The following RBMS1 variants were observed in gnomAD, a reference collection of about 807,000 sequenced individuals.
The protein encoded by RBMS1 is RNA-binding motif, single-stranded-interacting protein 1.
In RBMS1, 17 loss-of-function variants were observed where a neutral mutation model predicts 62.3. The observed-to-expected ratio is 0.27, with a 90% CI of 0.19 to 0.41. The LOEUF is 0.41. Ranked by LOEUF, RBMS1 falls within the 10% of genes least tolerant of loss-of-function variation. The pLI is 1.00. For synonymous variants in RBMS1, 172 were observed against 170.0 expected (o/e 1.01, Z -0.09); for missense variants, 334 against 504.5 (o/e 0.66, Z 3.24).
intron 1 of RBMS1, among the ~76,000 whole-genome samples, chr2:160,403,646 A>C (rs1351254402): frequency 6.6e-6 from 1 of 152,242 alleles, no homozygotes; most frequent in Non-Finnish European, 1.5e-5. Context: ...TTGGAGGGCA[A>C]GACCATTAAA....
At chr2:160,393,635 G>A (rs965135970) in intron 1 of RBMS1, among the ~76,000 whole-genome samples, 1 of 151,974 alleles carries the variant, frequency 6.6e-6, no homozygotes, top group Non-Finnish European at 1.5e-5. Context: ...AAATTAGCCG[G>A]GTGTGGTGGC....
At chr2:160,422,507 C>T (rs1490153595) in intron 1 of RBMS1, among the ~76,000 whole-genome samples, 1 of 152,136 alleles carries the variant, frequency 6.6e-6, no homozygotes, top group African/African-American at 2.4e-5. Flanking sequence ...CCACACCACA[C>T]TATTATTCTC....
intron 4 of RBMS1, among the ~76,000 whole-genome samples, chr2:160,304,508 T>C (rs1163227696): frequency 6.6e-6 from 1 of 152,194 alleles, no homozygotes; most frequent in African/African-American, 2.4e-5. Flanking sequence ...ATGAGCTGCA[T>C]AATGACATTT....
intron 2 of RBMS1, among the ~76,000 whole-genome samples, chr2:160,345,248 CAG>C (rs1692111610): frequency 6.6e-6 from 1 of 152,028 alleles, no homozygotes; most frequent in African/African-American, 2.4e-5. Flanking sequence ...AGGGCTATAC[CAG>C]ACATTTTCAT....
intron 1 of RBMS1, among the ~76,000 whole-genome samples, chr2:160,486,157 C>A (rs201834056): frequency 1.3e-5 from 2 of 152,072 alleles, no homozygotes; most frequent in East Asian, 3.9e-4. Context: ...CTCCCAATTG[C>A]AACTCAAAAT....
At chr2:160,412,977 A>G (rs920096968) in intron 1 of RBMS1, among the ~76,000 whole-genome samples, 2 of 152,272 alleles carry the variant, frequency 1.3e-5, no homozygotes, top group Admixed American at 6.5e-5. Flanking sequence ...TGAAATTACT[A>G]CAAAGAAAGT....
chr2:160,472,504 A>G (rs575175076), intron 1 of RBMS1, among the ~76,000 whole-genome samples: 56 of 152,298 alleles, frequency 3.7e-4, no homozygotes, highest in African/African-American at 1.3e-3. Flanking sequence ...TGTGAACTTA[A>G]AAGTTAGCTT....
At chr2:160,306,472 T>C (rs1389060575) in intron 4 of RBMS1, among the ~76,000 whole-genome samples, 1 of 152,178 alleles carries the variant, frequency 6.6e-6, no homozygotes, top group Non-Finnish European at 1.5e-5. Flanking sequence ...TTTCCTATGA[T>C]GTGAATGCAT....
At chr2:160,439,660 G>C (rs988802263) in intron 1 of RBMS1, among the ~76,000 whole-genome samples, 1 of 152,158 alleles carries the variant, frequency 6.6e-6, no homozygotes, top group East Asian at 1.9e-4. Context: ...GGTGGCGGCC[G>C]GGCAGAGGCT....
chr2:160,412,561 A>T (rs560594767), intron 1 of RBMS1, among the ~76,000 whole-genome samples: 10 of 152,334 alleles, frequency 6.6e-5, no homozygotes, highest in African/African-American at 2.4e-4. Context: ...TGATGCTTCA[A>T]TTCCTAGGTG....
chr2:160,389,096 G>C (rs1005822347), intron 1 of RBMS1, among the ~76,000 whole-genome samples: 1 of 152,204 alleles, frequency 6.6e-6, no homozygotes, highest in African/African-American at 2.4e-5. Flanking sequence ...AGCACCTCTA[G>C]GCGCATCCCT....
chr2:160,288,825 CCTTT>C (rs1220715103), intron 6 of RBMS1, among the ~76,000 whole-genome samples: 2 of 152,002 alleles, frequency 1.3e-5, no homozygotes, highest in Non-Finnish European at 2.9e-5. Context: ...TGAAATTTAA[CCTTT>C]TTTTTGTTTT....
At chr2:160,337,574 T>G (rs923636412) in intron 2 of RBMS1, among the ~76,000 whole-genome samples, 7 of 152,102 alleles carry the variant, frequency 4.6e-5, no homozygotes, top group South Asian at 2.1e-4. Flanking sequence ...TCATATACTT[T>G]GAGTGAAATG....
chr2:160,316,140 C>T (rs1690209002), intron 3 of RBMS1, among the ~76,000 whole-genome samples: 1 of 152,138 alleles, frequency 6.6e-6, no homozygotes, highest in South Asian at 2.1e-4. Flanking sequence ...CCTATCACGT[C>T]AAGTTATCTT....
chr2:160,320,559 G>C (rs1690500364), intron 2 of RBMS1, among the ~76,000 whole-genome samples: 1 of 152,116 alleles, frequency 6.6e-6, no homozygotes, highest in Non-Finnish European at 1.5e-5. Context: ...TGAATAGCTT[G>C]GTGCCATCCT....
chr2:160,381,058 T>C (rs1418958895), intron 1 of RBMS1, among the ~76,000 whole-genome samples: 2 of 152,220 alleles, frequency 1.3e-5, no homozygotes, highest in African/African-American at 4.8e-5. Flanking sequence ...GGTTATCTCA[T>C]TCTGCTCTCC....
intron 6 of RBMS1, among the ~76,000 whole-genome samples, chr2:160,296,367 C>G (rs369469878): frequency 1.2e-4 from 18 of 152,230 alleles, no homozygotes; most frequent in African/African-American, 3.9e-4. Context: ...GCAGTGTGCT[C>G]TCAGGTTTTA....
intron 3 of RBMS1, among the ~76,000 whole-genome samples, chr2:160,313,737 G>A (rs1690061528): frequency 6.6e-6 from 1 of 152,086 alleles, no homozygotes; most frequent in South Asian, 2.1e-4. Context: ...ACAACTATTA[G>A]ACACCCCCAA....
chr2:160,411,251 T>C (rs6752024), intron 1 of RBMS1, among the ~76,000 whole-genome samples: 108,355 of 152,094 alleles, frequency 0.71, 38,962 homozygotes, highest in East Asian at 0.87. Flanking sequence ...TCTGAAAACT[T>C]CAATGGCTGA....
Sources: allele counts gnomAD v4.1 joint callset (sites outside exome capture counted in the v4.1 genomes callset), GRCh38; gene constraint gnomAD v4.1.1; transcripts MANE v1.5; gene names NCBI Gene and HGNC (gene_info 2026-07-23, HGNC 2026-07-21).